Variants in SLC4A8 observed in about 807,000 individuals in gnomAD.
The protein encoded by SLC4A8 is electroneutral sodium bicarbonate exchanger 1.
Under a neutral mutation model 125.0 loss-of-function variants are expected in SLC4A8, and 40 were observed. The ratio of observed to expected loss-of-function variants is 0.32; its 90% CI spans 0.25 to 0.42. The LOEUF is 0.42. Among genes scored for constraint, SLC4A8 ranks in the 10% least tolerant of loss-of-function variants. SLC4A8 has a pLI of 1.00. For missense variants in SLC4A8, 863 were observed against 1,355.1 expected, an observed-to-expected ratio of 0.64 and a Z score of 5.70; for synonymous variants, 456 against 476.0, an observed-to-expected ratio of 0.96 and a Z score of 0.55.
chr12:51,463,777 G>T, intron 11 of SLC4A8, 63 bp downstream of exon 11: 1 of 1,128,786 alleles, frequency 8.9e-7, no homozygotes. Context: ...AAAGGAATGA[G>T]GCATCTTCTT....
At chr12:51,397,032 C>T (rs541034643) in intron 1 of SLC4A8, among the ~76,000 whole-genome samples, 86 of 145,352 alleles carry the variant, frequency 5.9e-4, no homozygotes, top group East Asian at 1.2e-3. Context: ...CAGGTTCAAG[C>T]GATTCTCGTG....
intron 2 of SLC4A8, among the ~76,000 whole-genome samples, chr12:51,441,855 G>A (rs1198152551): frequency 3.9e-5 from 6 of 152,190 alleles, no homozygotes; most frequent in Admixed American, 6.5e-5. Flanking sequence ...ACTGACGTGG[G>A]TGGCTCTGTG....
chr12:51,514,141 A>G lies in SLC4A8; in HGVS notation c.*6703A>G, dbSNP rs1400049830. 1 of 152,588 alleles carries G rather than the reference A, an allele frequency of 6.6e-6. No individual in the cohort carries two copies. Among genetic ancestry groups the G allele is most frequent in the East Asian group, 1.9e-4 (1 of 5,202 alleles). The allele number at this position is 152,588 out of a possible 1,614,324, so 9.5% of individuals were successfully genotyped here. On this transcript the variant is annotated 3_prime_UTR_variant, in exon 25 of 25. Transcript: ENST00000453097. ...TTGCTTTATCAGCTTCTCTAAATTT[A>G]TTTTGTAAGGAAGTTAGCACCTCCT...
At chr12:51,427,929 C>T (rs1949053332) in intron 1 of SLC4A8, among the ~76,000 whole-genome samples, 1 of 152,206 alleles carries the variant, frequency 6.6e-6, no homozygotes. Flanking sequence ...CAGTGGCTTC[C>T]TGGTGCCTTT....
intron 20 of SLC4A8, chr12:51,494,531 T>A (rs1951411115): frequency 6.5e-6 from 1 of 152,932 alleles, no homozygotes; most frequent in Admixed American, 6.5e-5. Context: ...ATTTTTTATA[T>A]ATCTAGGATG....
chr12:51,440,885 C>A, intron 2 of SLC4A8, 96 bp downstream of exon 2: 1 of 1,108,812 alleles, frequency 9.0e-7, no homozygotes, highest in Non-Finnish European at 1.3e-6. Flanking sequence ...CACTAGCTGT[C>A]AGACCTTGGG....
At chr12:51,404,020 T>A (rs1948444104) in intron 1 of SLC4A8, among the ~76,000 whole-genome samples, 2 of 152,210 alleles carry the variant, frequency 1.3e-5, no homozygotes. Context: ...CCTGGCACAG[T>A]GATCTCTGCC....
rs751311797 is a variant in SLC4A8 at position 51,497,011 on chromosome 12, A to G, written c.2968A>G (p.Lys990Glu). 5 of 1,613,934 alleles carry G rather than the reference A, an allele frequency of 3.1e-6. No individual in the cohort carries two copies. Among genetic ancestry groups the G allele is most frequent in the Non-Finnish European group, 8.5e-7 (1 of 1,180,002 alleles). Residue 990 changes from lysine (K) to glutamate (E), a missense_variant, in exon 22 of 25, where the codon AAA becomes GAA. Coordinates refer to ENST00000453097, the MANE Select transcript of SLC4A8 (RefSeq NM_001039960.3). Reference protein sequence around the residue: ...MMVLALVFVRKVMDLCFSKRE... With the variant: ...MMVLALVFVREVMDLCFSKRE... ...GGTTTTGGCCTTGGTCTTTGTCAGG[A>G]AAGTCATGGATCTCTGTTTCTCTAA...
At chr12:51,443,710 A>C (rs1161912888) in intron 2 of SLC4A8, among the ~76,000 whole-genome samples, 1 of 152,222 alleles carries the variant, frequency 6.6e-6, no homozygotes, top group Non-Finnish European at 1.5e-5. Context: ...AAAGGCTTAC[A>C]TCTGCTCGAC....
At position 51,475,091 on chromosome 12, in the gene SLC4A8, A is replaced by G. The variant is rs1380933767; in HGVS notation, c.2057A>G (p.His686Arg). The change falls in exon 16 of 25, where the codon CAT becomes CGT. Residue 686 changes from histidine to arginine, a missense_variant. His to Arg is a conservative substitution (Grantham distance 29). Transcript: ENST00000453097. Reference sequence around the variant, plus strand: ...GAGTTCATGGGATCTGCGTGCGGCCATCATGGACCCTACACTCCTGATGTC... The same window carrying G: ...GAGTTCATGGGATCTGCGTGCGGCCGTCATGGACCCTACACTCCTGATGTC... ...HGEFMGSACG[H>R]HGPYTPDVLF... The G allele has an allele frequency of 1.8e-5, 29 of 1,613,946 alleles. No individual in the cohort carries two copies. The highest frequency in any genetic ancestry group is 2.4e-5 in the Non-Finnish European group (28 of 1,179,962).
At chr12:51,479,700 G>A (rs12321925) in intron 16 of SLC4A8, among the ~76,000 whole-genome samples, 3,815 of 37,722 alleles carry the variant, frequency 0.1, 248 homozygotes, top group African/African-American at 0.2. Flanking sequence ...AAAAAAAAAA[G>A]AAATGTGGAC....
intron 16 of SLC4A8, among the ~76,000 whole-genome samples, chr12:51,484,391 A>G (rs7977175): frequency 0.55 from 83,829 of 152,042 alleles, 23,342 homozygotes; most frequent in African/African-American, 0.62. Context: ...ATCAGATGCT[A>G]TATGCAAAGT....
Position 51,456,813 on chromosome 12 carries a change from G to A in SLC4A8, c.575-538G>A, listed in dbSNP as rs116852658. Among the ~76,000 whole-genome samples the A allele has an allele frequency of 6.6e-4, 100 of 152,232 alleles. No homozygotes were observed. In the East Asian group the frequency reaches 0.014, roughly 22 times the overall value. On this transcript the variant is annotated intron_variant, in intron 5 of 24. Transcript: ENST00000453097. The stretch of plus-strand genomic sequence containing the variant: ...ATAGGTTTAAATGTGATGCTTGGTG[G>A]TAATTGTCTGGGGTGAGTGGTTAGT...
At chr12:51,415,790 T>C (rs1216245542) in intron 1 of SLC4A8, among the ~76,000 whole-genome samples, 1 of 148,700 alleles carries the variant, frequency 6.7e-6, no homozygotes, top group African/African-American at 2.5e-5. Flanking sequence ...GAGGCGAGCA[T>C]TGAAAATTTA....
intron 11 of SLC4A8, among the ~76,000 whole-genome samples, chr12:51,464,558 G>T (rs1457222413): frequency 5.9e-5 from 9 of 152,196 alleles, no homozygotes; most frequent in Admixed American, 5.9e-4. Context: ...TTTTGGGTTA[G>T]TGTGATATCC....
chr12:51,483,704 G>A (rs1372451011), intron 16 of SLC4A8, among the ~76,000 whole-genome samples: 7 of 151,762 alleles, frequency 4.6e-5, no homozygotes, highest in Non-Finnish European at 1.0e-4. Context: ...AATTTTCAAG[G>A]TTTGGAAGTA....
At chr12:51,434,064 G>A (rs1373395999) in intron 1 of SLC4A8, among the ~76,000 whole-genome samples, 1 of 151,836 alleles carries the variant, frequency 6.6e-6, no homozygotes, top group Non-Finnish European at 1.5e-5. Flanking sequence ...TTGTAGGGAC[G>A]AGGTTTCACT....
Position 51,493,716 on chromosome 12 carries a change from C to T in SLC4A8, c.2713C>T (p.Pro905Ser). ...MTAILKFIPM[P>S]VLYGVFLYMG... Reference sequence around the variant, plus strand: ...CTTTTGTCTTCAGTTTATTCCAATGCCAGTACTCTACGGAGTTTTCCTTTA... The same window carrying T: ...CTTTTGTCTTCAGTTTATTCCAATGTCAGTACTCTACGGAGTTTTCCTTTA... Residue 905 changes from proline (P) to serine (S), a missense_variant, in exon 20 of 25, where the codon CCA becomes TCA. By Grantham distance (74) the Pro-to-Ser change is moderately conservative. Around this residue, in one of 6 missense-constraint regions of SLC4A8, gnomAD observed 197 missense variants for 377.7 expected, o/e 0.52. Transcript: ENST00000453097. 2.5e-6 allele frequency: 4 copies of T among 1,607,706 alleles called. No individual in the cohort carries two copies. Among genetic ancestry groups the T allele is most frequent in the Non-Finnish European group, 3.4e-6 (4 of 1,174,210 alleles).
chr12:51,437,390 G>A (rs529950287), intron 1 of SLC4A8, among the ~76,000 whole-genome samples: 1 of 152,344 alleles, frequency 6.6e-6, no homozygotes, highest in Admixed American at 6.5e-5. Flanking sequence ...GGTCTGGTGG[G>A]AGATGTTTGG....
Sources: allele counts gnomAD v4.1 joint callset (sites outside exome capture counted in the v4.1 genomes callset), GRCh38; gene constraint gnomAD v4.1.1; regional missense constraint gnomAD v4.1.1; transcripts MANE v1.5; gene names NCBI Gene and HGNC (gene_info 2026-07-23, HGNC 2026-07-21).